TRIM49B: variants seen among roughly 807,000 people sequenced by gnomAD.
TRIM49B encodes the protein putative tripartite motif-containing protein 49B.
Under a neutral mutation model 31.8 loss-of-function variants are expected in TRIM49B, and 18 were observed. That is an observed-to-expected ratio of 0.57 (90% CI 0.39 to 0.84). The LOEUF is 0.84. TRIM49B is among the 40% of genes least tolerant of loss of function. The pLI is 0.00. For synonymous variants in TRIM49B, 196 were observed against 180.6 expected (o/e 1.09, Z -0.68); for missense variants, 494 against 538.7 (o/e 0.92, Z 0.82).
At position 49,032,005 on chromosome 11, in the gene TRIM49B, C is replaced by T. The variant is rs1326237573; in HGVS notation, c.406C>T (p.His136Tyr). 4 of 1,611,990 alleles carry T rather than the reference C, an allele frequency of 2.5e-6. No homozygotes were observed. Among genetic ancestry groups the T allele is most frequent in the South Asian group, 2.2e-5 (2 of 90,992 alleles). ...HCPIESAAEE[H>Y]QEKLLQKMQS... ...TCCCATTGAGTCGGCTGCTGAGGAA[C>T]ACCAGGTAAGTGATGGCTCTGAAGA... The change falls in exon 2 of 7, where the codon CAC (histidine) becomes TAC (tyrosine). Residue 136 changes from histidine (H) to tyrosine (Y), a missense_variant. Coordinates refer to ENST00000332682, the MANE Select transcript of TRIM49B (RefSeq NM_001206626.2).
intron 3 of TRIM49B, among the ~76,000 whole-genome samples, chr11:49,032,892 A>G (rs1375393295): frequency 6.6e-6 from 1 of 152,224 alleles, no homozygotes; most frequent in Admixed American, 6.5e-5. Flanking sequence ...TACATAACAT[A>G]CGATGAGAAA....
chr11:49,035,945 T>C (rs1472718180), intron 5 of TRIM49B, among the ~76,000 whole-genome samples: 2 of 152,066 alleles, frequency 1.3e-5, no homozygotes, highest in African/African-American at 4.8e-5. Flanking sequence ...AAGGAAGCAG[T>C]GGAAGCATCA....
At chr11:49,032,855 G>C (rs1212473999) in intron 3 of TRIM49B, among the ~76,000 whole-genome samples, 2 of 152,126 alleles carry the variant, frequency 1.3e-5, no homozygotes, top group African/African-American at 4.8e-5. Context: ...ATGAAATTAA[G>C]AATCTCAACT....
At position 49,031,970 on chromosome 11, in the gene TRIM49B, A is replaced by G; in HGVS notation, c.371A>G (p.His124Arg). 1.2e-6 allele frequency: 2 copies of G among 1,612,034 alleles called. No homozygotes were observed. Among genetic ancestry groups the G allele is most frequent in the Non-Finnish European group, 1.7e-6 (2 of 1,179,868 alleles). Residue 124 changes from histidine to arginine, a missense_variant, in exon 2 of 7, where the codon CAC becomes CGC. Physicochemically the swap from His to Arg is conservative, Grantham distance 29. This residue lies in a region of TRIM49B where 251 missense variants were observed against 232.8 expected (regional missense o/e 1.08). Transcript: ENST00000332682. ...LCSSSQEHRDHRHCPIESAAE... is the reference protein window; with the variant it reads ...LCSSSQEHRDRRHCPIESAAE... The stretch of plus-strand genomic sequence containing the variant: ...TCCAGCTCTCAGGAGCACCGGGATC[A>G]CAGACACTGTCCCATTGAGTCGGCT...
At chr11:49,037,347 T>A in intron 6 of TRIM49B, 131 bp from the exon 7 acceptor site, 1 of 1,211,052 alleles carries the variant, frequency 8.3e-7, no homozygotes, top group Non-Finnish European at 1.1e-6. Flanking sequence ...ATATTAACCA[T>A]CTCTATACTT....
chr11:49,033,897 A>G (rs1043024144), intron 3 of TRIM49B, among the ~76,000 whole-genome samples: 4 of 152,242 alleles, frequency 2.6e-5, no homozygotes, highest in African/African-American at 9.6e-5. Context: ...AGCGAAATTC[A>G]AATTGTGTTT....
In TRIM49B at chr11:49,031,495, A is replaced by G. The variant is rs987267222; in HGVS notation, c.-4-101A>G. ...AATAGTTTGTTGTACTTTAATGAAC[A>G]CTGTCAAGAGAAGAAAATATAACTA... On this transcript the variant is annotated intron_variant, in intron 1 of 6. Coordinates refer to ENST00000332682, the MANE Select transcript of TRIM49B (RefSeq NM_001206626.2). The G allele has an allele frequency of 3.9e-6, 6 of 1,531,630 alleles. No homozygotes were observed. In the African/African-American group the frequency reaches 7.0e-5, roughly 18 times the overall value. The allele number at this position is 1,531,630 out of a possible 1,614,324, so 94.9% of individuals were successfully genotyped here. A position where few individuals can be genotyped will look rare whatever the true frequency, so the allele number is the denominator to read the frequency against.
intron 3 of TRIM49B, among the ~76,000 whole-genome samples, chr11:49,033,647 G>T (rs1277908158): frequency 6.6e-6 from 1 of 152,128 alleles, no homozygotes; most frequent in Non-Finnish European, 1.5e-5. Context: ...AGAAGGAAAT[G>T]AATTCAGGGA....
In TRIM49B at chr11:49,037,465, CT is replaced by C. The variant is rs564388487; in HGVS notation, c.860-5del. 1.2e-4 allele frequency: 188 copies of C among 1,603,834 alleles called. No homozygotes were observed. The African/African-American group carries it at 1.9e-3, about 17-fold the overall frequency. On this transcript the variant is annotated splice_polypyrimidine_tract_variant and intron_variant, in intron 6 of 6. Coordinates refer to ENST00000332682, the MANE Select transcript of TRIM49B (RefSeq NM_001206626.2). ...ATTTACACGTCTATGCATGTTTTCT[CT>C]TTTTTTTGCAGTGCATATTACTCTG...
rs1265201788 is a variant in TRIM49B at position 49,037,609 on chromosome 11, T to G, written c.991T>G (p.Trp331Gly). 1 of 1,614,068 alleles carries G rather than the reference T, an allele frequency of 6.2e-7. No homozygotes were observed. Among genetic ancestry groups the G allele is most frequent in the East Asian group, 2.2e-5 (1 of 44,880 alleles). The stretch of plus-strand genomic sequence containing the variant: ...TGCAACACCTAGAAGTTTTCTTGCA[T>G]GGGGTGCTCAGACTTTCACCTCGGG... ...FTATPRSFLA[W>G]GAQTFTSGKY... Residue 331 changes from tryptophan (W) to glycine (G), a missense_variant, in exon 7 of 7, where the codon TGG (tryptophan) becomes GGG (glycine). Transcript: ENST00000332682.
chr11:49,034,139 A>C lies in TRIM49B; in HGVS notation c.508-7A>C, dbSNP rs761157613. The C allele has an allele frequency of 1.2e-6, 2 of 1,611,514 alleles. No individual in the cohort carries two copies. The highest frequency in any genetic ancestry group is 2.2e-5 in the South Asian group (2 of 90,980). On this transcript the variant is annotated splice_region_variant and splice_polypyrimidine_tract_variant and intron_variant, in intron 3 of 6. Transcript: ENST00000332682. The stretch of plus-strand genomic sequence containing the variant: ...TTTCTCTTTTGACTAACCCATTATC[A>C]CTGCAGGATTATGTGAATTTAAGGC...
intron 4 of TRIM49B, 103 bp from the exon 5 acceptor site, chr11:49,034,992 G>T: frequency 6.4e-7 from 1 of 1,558,632 alleles, no homozygotes; most frequent in Non-Finnish European, 8.7e-7. Flanking sequence ...AAGATGGTAG[G>T]GGAATAATAT....
chr11:49,037,579 T>G lies in TRIM49B; in HGVS notation c.961T>G (p.Phe321Val). ...ATGTGACCATCAAGATGTACCCTAT[T>G]TCACTGCAACACCTAGAAGTTTTCT... ...IGCDHQDVPY[F>V]TATPRSFLAW... Residue 321 changes from phenylalanine to valine, a missense_variant, in exon 7 of 7, where the codon TTC (phenylalanine) becomes GTC (valine). Physicochemically the swap from Phe to Val is conservative, Grantham distance 50. This residue lies in a region of TRIM49B where 233 missense variants were observed against 281.4 expected (regional missense o/e 0.83). Transcript: ENST00000332682. The G allele has an allele frequency of 1.2e-6, 2 of 1,614,144 alleles. No homozygotes were observed. The highest frequency in any genetic ancestry group is 1.7e-6 in the Non-Finnish European group (2 of 1,180,022).
At position 49,034,146 on chromosome 11, in the gene TRIM49B, G is replaced by A; in HGVS notation, c.508G>A (p.Asp170Asn). 6.2e-7 allele frequency: 1 copy of A among 1,611,808 alleles called. No individual in the cohort carries two copies. The highest frequency in any genetic ancestry group is 2.2e-5 in the East Asian group (1 of 44,864). The change falls in exon 4 of 7, where the codon GAT becomes AAT. Residue 170 changes from aspartate (D) to asparagine (N), a missense_variant and splice_region_variant. Transcript: ENST00000332682. The part of the protein sequence containing the change: ...VETTRTRCWK[D>N]YVNLRLEAIR... The stretch of plus-strand genomic sequence containing the variant: ...TTTGACTAACCCATTATCACTGCAG[G>A]ATTATGTGAATTTAAGGCTAGAAGC...
In TRIM49B at chr11:49,034,200, G is replaced by C. The variant is rs747715650; in HGVS notation, c.562G>C (p.Ala188Pro). 6.2e-7 allele frequency: 1 copy of C among 1,611,922 alleles called. No individual in the cohort carries two copies. Among genetic ancestry groups the C allele is most frequent in the South Asian group, 1.1e-5 (1 of 90,982 alleles). Residue 188 changes from alanine (A) to proline (P), a missense_variant, in exon 4 of 7, where the codon GCA (alanine) becomes CCA (proline). Coordinates refer to ENST00000332682, the MANE Select transcript of TRIM49B (RefSeq NM_001206626.2). ...TAGAGCTGAGTATCAGAAGATGCCT[G>C]CATTTCACCATGAAGAAGAAAAACA... The part of the protein sequence containing the change: ...AIRAEYQKMP[A>P]FHHEEEKHNL...
rs563046947 is a variant in TRIM49B, at chr11:49,035,398, C to T, written c.761+281C>T. 4.5e-5 allele frequency among the ~76,000 whole-genome samples: 5 copies of T among 110,686 alleles called. No individual in the cohort carries two copies. The East Asian group carries it at 1.5e-3, about 34-fold the overall frequency. 72.6% of individuals were successfully genotyped at this position (110,686 alleles called of 152,430 possible). A position where few individuals can be genotyped will look rare whatever the true frequency, so the allele number is the denominator to read the frequency against. On this transcript the variant is annotated intron_variant, in intron 5 of 6. Transcript: ENST00000332682. Reference sequence around the variant, plus strand: ...TTTTTGAGACGGTGTCTGGCTCTGTCGCCCAGGCTGGAGTGCAATGGCGCG... The same window carrying T: ...TTTTTGAGACGGTGTCTGGCTCTGTTGCCCAGGCTGGAGTGCAATGGCGCG...
chr11:49,035,593 C>G (rs1296487096), intron 5 of TRIM49B, among the ~76,000 whole-genome samples: 2 of 151,768 alleles, frequency 1.3e-5, no homozygotes, highest in Admixed American at 1.3e-4. Flanking sequence ...CTCCTGACCC[C>G]GTGATCCGCC....
At chr11:49,029,775 CG>C (rs1467831106) in intron 1 of TRIM49B, among the ~76,000 whole-genome samples, 3 of 152,144 alleles carry the variant, frequency 2.0e-5, no homozygotes, top group African/African-American at 7.2e-5. Context: ...ATACATTTAT[CG>C]GCCATTTGAG....
At position 49,031,321 on chromosome 11, in the gene TRIM49B, G is replaced by A. The variant is rs191254811; in HGVS notation, c.-4-275G>A. On this transcript the variant is annotated intron_variant, in intron 1 of 6. Transcript: ENST00000332682. ...ATCAAAACCCAATTTCCAGATCTAC[G>A]TTCAGAAAATGGGTAGTTGAATAGG... Among the ~76,000 whole-genome samples, 653 of 152,216 alleles carry A rather than the reference G, an allele frequency of 4.3e-3. 7 individuals are homozygous for A. Among genetic ancestry groups the A allele is most frequent in the Non-Finnish European group, 5.5e-3 (376 of 68,002 alleles).
Sources: gnomAD v4.1 joint callset for allele counts (sites outside exome capture counted in the v4.1 genomes callset) on GRCh38, gnomAD v4.1.1 for gene constraint, gnomAD v4.1.1 regional missense constraint, MANE v1.5 for transcripts, NCBI Gene and HGNC (gene_info 2026-07-23, HGNC 2026-07-21) for gene names.